EPHA1: variants seen among roughly 807,000 people sequenced by gnomAD.
EPHA1 encodes EPH receptor A1, also known as ephrin type-A receptor 1.
Under a neutral mutation model 110.1 loss-of-function variants are expected in EPHA1, and 92 were observed. That is an observed-to-expected ratio of 0.84 (90% CI 0.71 to 0.99). The LOEUF (loss-of-function observed/expected upper bound fraction) is 0.99, where lower values mean the gene tolerates loss of function less well. Among genes scored for constraint, EPHA1 ranks in the 50% least tolerant of loss-of-function variants. The pLI, the probability that EPHA1 is intolerant of heterozygous loss-of-function variation, is 0.00. For synonymous variants in EPHA1, 500 were observed against 516.1 expected (o/e 0.97, Z 0.42); for missense variants, 1,204 against 1,285.4 (o/e 0.94, Z 0.97).
intron 16 of EPHA1, 29 bp from the exon 17 acceptor site, chr7:143,391,804 C>T (rs62472724): frequency 0.15 from 246,819 of 1,610,150 alleles, 22,132 homozygotes; most frequent in Admixed American, 0.33. Context: ...TCAGTCACAG[C>T]GGGTACATGG....
chr7:143,392,650 A>G (rs1032766999), intron 16 of EPHA1, among the ~76,000 whole-genome samples: 2 of 151,608 alleles, frequency 1.3e-5, no homozygotes, highest in African/African-American at 2.4e-5. Flanking sequence ...GCTTTTAAGA[A>G]TTGGTTCTCC....
At chr7:143,405,436 C>CGTGTGTGTGTGTGT (rs71523910) in intron 2 of EPHA1, among the ~76,000 whole-genome samples, 37 of 149,540 alleles carry the variant, frequency 2.5e-4, no homozygotes, top group Admixed American at 6.7e-4. Flanking sequence ...TGCATGTGTG[C>CGTGTGTGTGTGTGT]GTGTGTGTGT....
chr7:143,397,900 C>T lies in EPHA1; in HGVS notation c.1615+20G>A, dbSNP rs532718317. 6.2e-7 allele frequency: 1 copy of T among 1,612,638 alleles called. No homozygotes were observed. The highest frequency in any genetic ancestry group is 1.3e-5 in the African/African-American group (1 of 75,006). ...GGCAACAGGTGTATGTGTGTTGGGGCAGAGCACAAGATACCCCACCTGGTG... is the reference window on the plus strand; with the variant it reads ...GGCAACAGGTGTATGTGTGTTGGGGTAGAGCACAAGATACCCCACCTGGTG... On this transcript the variant is annotated intron_variant, in intron 8 of 17. Transcript: ENST00000275815.
Position 143,408,812 on chromosome 7 carries a change from G to C in EPHA1, c.-7C>G. ...GGGGCCAGCGCCGCTCCATAGCTCC[G>C]GGCCGGGACCTGGGACAGTGGCCCG... On this transcript the variant is annotated 5_prime_UTR_variant, in exon 1 of 18. Coordinates refer to ENST00000275815, the MANE Select transcript of EPHA1 (RefSeq NM_005232.5). The C allele has an allele frequency of 4.9e-6, 6 of 1,221,066 alleles. No homozygotes were observed. The highest frequency in any genetic ancestry group is 6.1e-6 in the Non-Finnish European group (6 of 981,626). The allele number at this position is 1,221,066 out of a possible 1,614,324, so 75.6% of individuals were successfully genotyped here.
chr7:143,397,429 C>G, intron 9 of EPHA1, 67 bp from the exon 10 acceptor site: 1 of 1,563,906 alleles, frequency 6.4e-7, no homozygotes, highest in Non-Finnish European at 8.7e-7. Flanking sequence ...GGGACTCTGG[C>G]TGAATCTTCC....
In EPHA1 at chr7:143,399,784, G is replaced by A. The variant is rs200473622; in HGVS notation, c.702C>T (p.His234=). The A allele has an allele frequency of 3.6e-5, 58 of 1,605,608 alleles. No individual in the cohort carries two copies. The highest frequency in any genetic ancestry group is 3.3e-4 in the Middle Eastern group (2 of 6,010). The change falls in exon 4 of 18, where the codon CAC becomes CAT. Residue 234 remains histidine, a synonymous_variant. Coordinates refer to ENST00000275815, the MANE Select transcript of EPHA1 (RefSeq NM_005232.5). ...CTGAGGGCCTGGGGCTGGCCCGCGC[G>A]TGGGGCAAGCAGGTCCCCGCCACTT... ...LVEVAGTCLP[H]ARASPRPSGA...
chr7:143,397,632 C>G lies in EPHA1; in HGVS notation c.1641G>C (p.Glu547Asp). Residue 547 changes from glutamate to aspartate, a missense_variant, in exon 9 of 18, where the codon GAG becomes GAC. By Grantham distance (45) the Glu-to-Asp change is conservative. Coordinates refer to ENST00000275815, the MANE Select transcript of EPHA1 (RefSeq NM_005232.5). ...GCAGCCCAAAGATGACGGCTACAAT[C>G]TCTCCTCCAGTCAGGCCCCTGGACA... ...PPVSRGLTGG[E>D]IVAVIFGLLL... The G allele has an allele frequency of 6.2e-7, 1 of 1,614,178 alleles. No individual in the cohort carries two copies. Among genetic ancestry groups the G allele is most frequent in the Non-Finnish European group, 8.5e-7 (1 of 1,180,038 alleles).
chr7:143,398,466 T>C lies in EPHA1; in HGVS notation c.1337-18A>G. 6.2e-7 allele frequency: 1 copy of C among 1,613,976 alleles called. No homozygotes were observed. Among genetic ancestry groups the C allele is most frequent in the Non-Finnish European group, 8.5e-7 (1 of 1,179,944 alleles). ...CAGTGACTCTGGGGGTCCAGAGGGA[T>C]AAGGTTGGATATGTAAGGAAAAAGG... On this transcript the variant is annotated intron_variant, in intron 6 of 17. Transcript: ENST00000275815.
intron 2 of EPHA1, 148 bp downstream of exon 2, chr7:143,407,463 A>C: frequency 1.0e-5 from 5 of 497,082 alleles, no homozygotes; most frequent in East Asian, 4.4e-5. Flanking sequence ...CCCATTGAGG[A>C]GGCTCTGACT....
At chr7:143,404,270 G>A (rs748879214) in intron 2 of EPHA1, among the ~76,000 whole-genome samples, 1 of 151,174 alleles carries the variant, frequency 6.6e-6, no homozygotes, top group Non-Finnish European at 1.5e-5. Context: ...AGGCTAGAGT[G>A]CAGTGGTGCG....
chr7:143,396,199 G>GT (rs775331960), intron 11 of EPHA1, among the ~76,000 whole-genome samples, 186 bp downstream of exon 11: 3 of 152,356 alleles, frequency 2.0e-5, no homozygotes, highest in Non-Finnish European at 4.4e-5. Flanking sequence ...CTGATGAGGG[G>GT]TTTTTAACAA....
intron 16 of EPHA1, 97 bp from the exon 17 acceptor site, chr7:143,391,872 C>A: frequency 6.5e-7 from 1 of 1,539,168 alleles, no homozygotes; most frequent in South Asian, 1.2e-5. Context: ...AGTTCGGTGT[C>A]TGGGCACAGA....
In EPHA1 at chr7:143,398,995, A is replaced by G. The variant is rs1183192981; in HGVS notation, c.992-50T>C. ...TAGAAGCCGACCTCGCTGTCACCCG[A>G]GCTGCTGATCCCCGGCCTCCACCAC... On this transcript the variant is annotated intron_variant, in intron 5 of 17. Transcript: ENST00000275815. 2.0e-6 allele frequency: 3 copies of G among 1,489,322 alleles called. No individual in the cohort carries two copies. In the African/African-American group the frequency reaches 4.2e-5, roughly 21 times the overall value. 92.3% of individuals were successfully genotyped at this position (1,489,322 alleles called of 1,614,324 possible).
chr7:143,408,702 G>T (rs1400788162), intron 1 of EPHA1, 22 bp downstream of exon 1: 1 of 550,176 alleles, frequency 1.8e-6, no homozygotes, highest in Non-Finnish European at 2.6e-6. Context: ...GGGGTTGGGG[G>T]CGCGGGGGCG....
chr7:143,405,549 G>T (rs1018512369), intron 2 of EPHA1, among the ~76,000 whole-genome samples: 1 of 152,096 alleles, frequency 6.6e-6, no homozygotes, highest in Non-Finnish European at 1.5e-5. Context: ...CTAGCATGCA[G>T]GACTGTTTTG....
At position 143,393,930 on chromosome 7, in the gene EPHA1, C is replaced by G; in HGVS notation, c.2503-66G>C. 2 of 1,481,478 alleles carry G rather than the reference C, an allele frequency of 1.3e-6. No homozygotes were observed. The highest frequency in any genetic ancestry group is 1.8e-6 in the Non-Finnish European group (2 of 1,107,044). The allele number at this position is 1,481,478 out of a possible 1,614,324, so 91.8% of individuals were successfully genotyped here. ...AACCTGGAGGCCCATGAGAAACCGA[C>G]GGTCACACAAGATAATTGCAGTGGA... On this transcript the variant is annotated intron_variant, in intron 15 of 17. Coordinates refer to ENST00000275815, the MANE Select transcript of EPHA1 (RefSeq NM_005232.5). This position sits in a 1 kb window ranked among gnomAD's most constrained non-coding sequence, Gnocchi z 5.6.
At position 143,395,919 on chromosome 7, in the gene EPHA1, A is replaced by C. The variant is rs564955429; in HGVS notation, c.1898-415T>G. ...TGCCTGGCTCAGCTGCACAATTGGC[A>C]AGGACACCACCAAGCTTTGTTCTCC... On this transcript the variant is annotated intron_variant, in intron 11 of 17. Coordinates refer to ENST00000275815, the MANE Select transcript of EPHA1 (RefSeq NM_005232.5). The surrounding 1 kb of genome is among the most constrained non-coding windows in gnomAD (Gnocchi z 4.7). Among the ~76,000 whole-genome samples, 2 of 152,182 alleles carry C rather than the reference A, an allele frequency of 1.3e-5. No homozygotes were observed. Among genetic ancestry groups the C allele is most frequent in the Non-Finnish European group, 2.9e-5 (2 of 68,030 alleles).
chr7:143,401,403 CA>C lies in EPHA1; in HGVS notation c.352del (p.Cys118AlafsTer28). 1 of 1,614,160 alleles carries C rather than the reference CA, an allele frequency of 6.2e-7. No homozygotes were observed. Among genetic ancestry groups the C allele is most frequent in the Non-Finnish European group, 8.5e-7 (1 of 1,180,034 alleles). Reference protein sequence around the residue: ...SFPGGAGPLGCKETFNLLYME... With the variant: ...SFPGGAGPLGXKETFNLLYME... Reference sequence around the variant, plus strand: ...GTACAGAAGGTTGAAGGTCTCCTTGCAGCCCAGAGGCCCGGCTCCCCCAGGG... The same window carrying C: ...GTACAGAAGGTTGAAGGTCTCCTTGCGCCCAGAGGCCCGGCTCCCCCAGGG... On this transcript the variant is annotated frameshift_variant, in exon 3 of 18. Transcript: ENST00000275815. LOFTEE classifies it high-confidence loss of function. The surrounding 1 kb of genome is among the most constrained non-coding windows in gnomAD (Gnocchi z 4.1).
At position 143,399,978 on chromosome 7, in the gene EPHA1, G is replaced by C. The variant is rs199931138; in HGVS notation, c.508C>G (p.Arg170Gly). The stretch of plus-strand genomic sequence containing the variant: ...CGGGTCAGGCGGCCCAGAGAGCAGC[G>C]CTCCACATTCAGCTTCACGGAGCCA... The part of the protein sequence containing the change: ...VSGSVKLNVE[R>G]CSLGRLTRRG... The change falls in exon 4 of 18, where the codon CGC (arginine) becomes GGC (glycine). Residue 170 changes from arginine to glycine, a missense_variant. Arg to Gly is a moderately radical substitution (Grantham distance 125). Transcript: ENST00000275815. 3.7e-6 allele frequency: 6 copies of C among 1,613,846 alleles called. No homozygotes were observed. In the African/African-American group the frequency reaches 8.0e-5, roughly 22 times the overall value.
Sources: gnomAD v4.1 joint callset for allele counts (sites outside exome capture counted in the v4.1 genomes callset) on GRCh38, gnomAD v4.1.1 for gene constraint, Gnocchi (gnomAD v3.1) non-coding constraint, MANE v1.5 for transcripts, NCBI Gene and HGNC (gene_info 2026-07-23, HGNC 2026-07-21) for gene names.